Variants in TANGO6 observed in about 807,000 individuals in gnomAD.
TANGO6 encodes transport and Golgi organization protein 6 homolog.
A neutral mutation model predicts 114.2 loss-of-function variants in TANGO6; 90 were observed. The observed-to-expected ratio is 0.79, with a 90% CI of 0.66 to 0.94. The LOEUF (loss-of-function observed/expected upper bound fraction) is 0.94, where lower values mean the gene tolerates loss of function less well. TANGO6 is among the 40% of genes least tolerant of loss of function. TANGO6 has a pLI of 0.00. For missense variants in TANGO6, 1,274 were observed against 1,315.3 expected, an observed-to-expected ratio of 0.97 and a Z score of 0.49; for synonymous variants, 477 against 509.8, an observed-to-expected ratio of 0.94 and a Z score of 0.87.
intron 14 of TANGO6, among the ~76,000 whole-genome samples, chr16:68,939,326 G>C (rs890684370): frequency 2.0e-5 from 3 of 152,022 alleles, no homozygotes; most frequent in African/African-American, 7.2e-5. Flanking sequence ...GGAGGCGGAG[G>C]TTGCAGTGAG....
At position 68,869,862 on chromosome 16, in the gene TANGO6, T is replaced by C. The variant is rs185227835; in HGVS notation, c.994+2642T>C. ...GGAACTGAAGTAGAAATGAGCATAG[T>C]GCTTCTGAGGAAATCTCCACGTGGG... On this transcript the variant is annotated intron_variant, in intron 4 of 17. Transcript: ENST00000261778. 2.5e-3 allele frequency among the ~76,000 whole-genome samples: 383 copies of C among 152,236 alleles called. 2 individuals are homozygous for C. The highest frequency in any genetic ancestry group is 9.0e-3 in the African/African-American group (374 of 41,544).
Position 69,056,997 on chromosome 16 carries a change from C to CTTTTTTTT in TANGO6, c.3108+16598_3108+16605dup, listed in dbSNP as rs71148961. 1.2e-3 allele frequency among the ~76,000 whole-genome samples: 73 copies of CTTTTTTTT among 59,870 alleles called. 1 individual carries two copies. Among genetic ancestry groups the CTTTTTTTT allele is most frequent in the South Asian group, 3.6e-3 (5 of 1,372 alleles). The allele number at this position is 59,870 out of a possible 152,430, so 39.3% of individuals were successfully genotyped here. ...GCCCAGCCTTGAATGGCCTGATTTTCTTTTTTTTTTTTTTTTTTTTTTTTT... is the reference window on the plus strand; with the variant it reads ...GCCCAGCCTTGAATGGCCTGATTTTCTTTTTTTTTTTTTTTTTTTTTTTTTTTTTTTTT... On this transcript the variant is annotated intron_variant, in intron 17 of 17. Transcript: ENST00000261778.
In TANGO6 at chr16:68,878,676, A is replaced by C. The variant is rs939146053; in HGVS notation, c.1294+396A>C. 3.3e-5 allele frequency among the ~76,000 whole-genome samples: 5 copies of C among 152,204 alleles called. No individual in the cohort carries two copies. In the East Asian group the frequency reaches 9.6e-4, roughly 29 times the overall value. ...GATTACCACACTCAGGAAATTTAAC[A>C]TTTATACAATATGCTTTGATATAAT... On this transcript the variant is annotated intron_variant, in intron 6 of 17. Transcript: ENST00000261778.
At chr16:69,016,745 C>T (rs1344705352) in intron 15 of TANGO6, among the ~76,000 whole-genome samples, 7 of 152,012 alleles carry the variant, frequency 4.6e-5, no homozygotes, top group South Asian at 2.1e-4. Context: ...CTGCAACCTC[C>T]GCCTCCTGGG....
intron 5 of TANGO6, 107 bp from the exon 6 acceptor site, chr16:68,878,011 T>C (rs1962394876): frequency 3.4e-6 from 3 of 892,814 alleles, no homozygotes; most frequent in Non-Finnish European, 5.0e-6. Context: ...TCAGTGTTAT[T>C]GAGGTGAATT....
intron 17 of TANGO6, among the ~76,000 whole-genome samples, chr16:69,070,707 A>G (rs1057229878): frequency 2.0e-5 from 3 of 149,116 alleles, no homozygotes; most frequent in Non-Finnish European, 3.0e-5. Flanking sequence ...TTTGTGATAA[A>G]TGATTAATTT....
At chr16:68,970,277 A>G (rs2152211860) in intron 14 of TANGO6, among the ~76,000 whole-genome samples, 1 of 152,352 alleles carries the variant, frequency 6.6e-6, no homozygotes, top group East Asian at 1.9e-4. Context: ...TCTGCCCACT[A>G]CAGAGAGGAA....
At chr16:68,893,795 G>T (rs1294468829) in intron 7 of TANGO6, among the ~76,000 whole-genome samples, 2 of 147,686 alleles carry the variant, frequency 1.4e-5, no homozygotes, top group Non-Finnish European at 3.0e-5. Context: ...AATAACACGT[G>T]AAGTATTGTA....
intron 15 of TANGO6, among the ~76,000 whole-genome samples, chr16:69,011,137 C>T (rs1160368272): frequency 6.6e-6 from 1 of 152,070 alleles, no homozygotes; most frequent in Non-Finnish European, 1.5e-5. Flanking sequence ...TTTTAGCTAG[C>T]AGTACCTTAA....
chr16:69,040,248 G>C, intron 16 of TANGO6, 60 bp from the exon 17 acceptor site: 1 of 1,411,336 alleles, frequency 7.1e-7, no homozygotes. Flanking sequence ...ACAGTTGAAA[G>C]GTTATAGGTA....
At chr16:68,898,239 G>A (rs1335715069) in intron 7 of TANGO6, among the ~76,000 whole-genome samples, 5 of 152,094 alleles carry the variant, frequency 3.3e-5, no homozygotes, top group African/African-American at 9.7e-5. Flanking sequence ...TCATTTAGCT[G>A]GGCTTATGGA....
At chr16:69,015,680 G>A (rs1380197730) in intron 15 of TANGO6, among the ~76,000 whole-genome samples, 5 of 151,604 alleles carry the variant, frequency 3.3e-5, no homozygotes, top group African/African-American at 7.3e-5. Context: ...ACCGGGTTTC[G>A]CCATGTTAGC....
chr16:68,909,797 A>G (rs540384931), intron 11 of TANGO6, among the ~76,000 whole-genome samples: 1 of 152,284 alleles, frequency 6.6e-6, no homozygotes, highest in East Asian at 1.9e-4. Flanking sequence ...GTCCTACTCA[A>G]GCTCCATGGA....
Position 69,044,285 on chromosome 16 carries a change from G to A in TANGO6, c.3108+3864G>A, listed in dbSNP as rs758085058. Among the ~76,000 whole-genome samples the A allele has an allele frequency of 1.1e-4, 17 of 152,100 alleles. 1 individual carries two copies. The highest frequency in any genetic ancestry group is 4.1e-4 in the South Asian group (2 of 4,826). On this transcript the variant is annotated intron_variant, in intron 17 of 17. Coordinates refer to ENST00000261778, the MANE Select transcript of TANGO6 (RefSeq NM_024562.2). Reference sequence around the variant, plus strand: ...TCACAATATTGGCCAAGTTGGTCTCGAACTCGTGACCTCAACTGAGCCACT... The same window carrying A: ...TCACAATATTGGCCAAGTTGGTCTCAAACTCGTGACCTCAACTGAGCCACT...
chr16:68,986,065 A>C (rs1328718751), intron 15 of TANGO6, among the ~76,000 whole-genome samples: 1 of 152,172 alleles, frequency 6.6e-6, no homozygotes, highest in Non-Finnish European at 1.5e-5. Context: ...AGAGCAACTC[A>C]GAGCTGGTGG....
chr16:68,980,409 C>CTCTCTCTCTCTCTCTATATATA (rs1408626276), intron 15 of TANGO6, among the ~76,000 whole-genome samples: 1 of 67,990 alleles, frequency 1.5e-5, no homozygotes, highest in Non-Finnish European at 2.7e-5. Flanking sequence ...CTCTCTCTCT[C>CTCTCTCTCTCTCTCTATATATA]TATATATATA....
Position 68,902,338 on chromosome 16 carries a change from C to T in TANGO6, c.1501C>T (p.Gln501Ter). Reference sequence around the variant, plus strand: ...TGCTTTTTCTGCCAGGTCACTTTGCCAAGAAATCTTATTATGGATTCTGGG... The same window carrying T: ...TGCTTTTTCTGCCAGGTCACTTTGCTAAGAAATCTTATTATGGATTCTGGG... ...QSVSHIRSLC[Q>*]EILLWILGKL... Residue 501 changes from glutamine to a stop codon, truncating the protein, a stop_gained, in exon 9 of 18, where the codon CAA (glutamine) becomes TAA (stop). Transcript: ENST00000261778. LOFTEE classifies it high-confidence loss of function. The T allele has an allele frequency of 1.9e-6, 3 of 1,608,964 alleles. No individual in the cohort carries two copies. Among genetic ancestry groups the T allele is most frequent in the Non-Finnish European group, 2.5e-6 (3 of 1,177,938 alleles).
At chr16:68,960,837 A>G (rs1344031886) in intron 14 of TANGO6, among the ~76,000 whole-genome samples, 1 of 152,146 alleles carries the variant, frequency 6.6e-6, no homozygotes, top group Non-Finnish European at 1.5e-5. Context: ...TGAGTGTAGT[A>G]GCACAAGAGA....
intron 15 of TANGO6, among the ~76,000 whole-genome samples, chr16:68,979,436 G>A (rs1963801551): frequency 6.6e-6 from 1 of 151,756 alleles, no homozygotes; most frequent in Admixed American, 6.6e-5. Context: ...CATCATGTTG[G>A]CCAGGCTGGT....
Sources: allele counts gnomAD v4.1 joint callset (sites outside exome capture counted in the v4.1 genomes callset), GRCh38; gene constraint gnomAD v4.1.1; transcripts MANE v1.5; gene names NCBI Gene and HGNC (gene_info 2026-07-23, HGNC 2026-07-21).